The following POLDIP2 variants were observed in gnomAD, a reference collection of about 807,000 sequenced individuals.
POLDIP2 encodes DNA polymerase delta interacting protein 2.
Under a neutral mutation model 52.9 loss-of-function variants are expected in POLDIP2, and 32 were observed. The observed-to-expected ratio is 0.61, with a 90% confidence interval of 0.46 to 0.81. The LOEUF (loss-of-function observed/expected upper bound fraction) is 0.81. Ranked by LOEUF, POLDIP2 falls within the 40% of genes least tolerant of loss-of-function variation. The pLI, the probability that POLDIP2 is intolerant of heterozygous loss-of-function variation, is 0.00. For synonymous variants in POLDIP2, 183 were observed against 183.0 expected (o/e 1.00, Z 0.00); for missense variants, 371 against 477.3 (o/e 0.78, Z 2.07).
In POLDIP2 at chr17:28,348,070, T is replaced by C. The variant is rs1555579289; in HGVS notation, c.*47A>G. 1 of 1,070,258 alleles carries C rather than the reference T, an allele frequency of 9.3e-7. No homozygotes were observed. Among genetic ancestry groups the C allele is most frequent in the Admixed American group, 1.7e-5 (1 of 57,488 alleles). 66.3% of individuals were successfully genotyped at this position (1,070,258 alleles called of 1,614,324 possible). ...TTCTGCAGCAATTGTGGGATGAGAGTTGTTCTTCCCGGTGACCAAGCCTGG... is the reference window on the plus strand; with the variant it reads ...TTCTGCAGCAATTGTGGGATGAGAGCTGTTCTTCCCGGTGACCAAGCCTGG... On this transcript the variant is annotated 3_prime_UTR_variant, in exon 11 of 11. Coordinates refer to ENST00000540200, the MANE Select transcript of POLDIP2 (RefSeq NM_015584.5).
intron 4 of POLDIP2, 89 bp from the exon 5 acceptor site, chr17:28,353,405 C>G: frequency 1.4e-6 from 1 of 728,508 alleles, no homozygotes. Context: ...GCCTGTAATC[C>G]CAGCTACTCG....
chr17:28,351,476 C>T (rs2142395526), intron 7 of POLDIP2, among the ~76,000 whole-genome samples, 188 bp downstream of exon 7: 1 of 152,240 alleles, frequency 6.6e-6, no homozygotes, highest in East Asian at 1.9e-4. Flanking sequence ...TTTTCCTGCC[C>T]GCTCTAGGTC....
At position 28,351,816 on chromosome 17, in the gene POLDIP2, A is replaced by C; in HGVS notation, c.623-16T>G. The C allele has an allele frequency of 6.2e-7, 1 of 1,611,234 alleles. No individual in the cohort carries two copies. Among genetic ancestry groups the C allele is most frequent in the Non-Finnish European group, 8.5e-7 (1 of 1,177,662 alleles). ...AAAGGAGGTGCTGGGGCAAGATACA[A>C]TTGGTTAGTCCAATTGTGTGTTGTG... On this transcript the variant is annotated splice_polypyrimidine_tract_variant and intron_variant, in intron 6 of 10. Transcript: ENST00000540200.
In POLDIP2 at chr17:28,348,226, G is replaced by A. The variant is rs782042126; in HGVS notation, c.998C>T (p.Thr333Met). 1.9e-5 allele frequency: 31 copies of A among 1,610,250 alleles called. 1 individual carries two copies. The highest frequency in any genetic ancestry group is 1.5e-4 in the South Asian group (14 of 91,016). ...GCCATCAGGTCTTTCAAAGCGGAAC[G>A]TGCCCCTACAGTCAGAAAGAAGCTG... The part of the protein sequence containing the change: ...LQASSGHMWG[T>M]FRFERPDGSH... The change falls in exon 11 of 11, where the codon ACG becomes ATG. Residue 333 changes from threonine (T) to methionine (M), a missense_variant. Transcript: ENST00000540200.
chr17:28,352,533 G>A (rs1357912466), intron 6 of POLDIP2, among the ~76,000 whole-genome samples: 4 of 123,560 alleles, frequency 3.2e-5, no homozygotes, highest in Admixed American at 1.8e-4. Flanking sequence ...ACAAGCACCC[G>A]GGCCTTTTTT....
Position 28,357,293 on chromosome 17 carries a change from CGA to C in POLDIP2, c.154_155del (p.Ser52ValfsTer17). On this transcript the variant is annotated frameshift_variant, in exon 1 of 11. Coordinates refer to ENST00000540200, the MANE Select transcript of POLDIP2 (RefSeq NM_015584.5). LOFTEE classifies it high-confidence loss of function. Reference protein sequence around the residue: ...ASTTTTRRHLSSRNRPEGKVL... With the variant: ...ASTTTTRRHLXSRNRPEGKVL... ...CCCCTGGCTCCGTCCCTCACCGGGA[CGA>C]GAGGTGCCTCCGCGTCGTCGTGGTC... The C allele has an allele frequency of 3.2e-6, 5 of 1,575,572 alleles. No individual in the cohort carries two copies. The highest frequency in any genetic ancestry group is 4.3e-6 in the Non-Finnish European group (5 of 1,170,696).
intron 10 of POLDIP2, 105 bp downstream of exon 10, chr17:28,348,978 T>C (rs549477740): frequency 5.4e-5 from 38 of 703,376 alleles, no homozygotes; most frequent in Non-Finnish European, 8.5e-5. Flanking sequence ...TCTAAGAATG[T>C]AACTTGGCCC....
chr17:28,357,068 C>T (rs367626225), intron 1 of POLDIP2, among the ~76,000 whole-genome samples: 3 of 152,256 alleles, frequency 2.0e-5, no homozygotes, highest in Admixed American at 6.5e-5. Context: ...TGTTCCCCCC[C>T]AGGGCCAGCC....
chr17:28,347,849 G>C lies in POLDIP2; in HGVS notation c.*268C>G. 1 of 430,868 alleles carries C rather than the reference G, an allele frequency of 2.3e-6. No homozygotes were observed. 26.7% of individuals were successfully genotyped at this position (430,868 alleles called of 1,614,324 possible). On this transcript the variant is annotated 3_prime_UTR_variant, in exon 11 of 11. Coordinates refer to ENST00000540200, the MANE Select transcript of POLDIP2 (RefSeq NM_015584.5). ...CGTGACAGGCCAGGAAACTCCTCCA[G>C]GCCTGTGGCAGCTGAACACAGTTCC...
intron 10 of POLDIP2, 129 bp from the exon 11 acceptor site, chr17:28,348,360 C>T (rs781799094): frequency 6.4e-6 from 4 of 625,534 alleles, no homozygotes; most frequent in Non-Finnish European, 1.1e-5. Context: ...ATCTCTAGCT[C>T]ATGACAGGAT....
intron 4 of POLDIP2, among the ~76,000 whole-genome samples, 161 bp downstream of exon 4, chr17:28,353,534 A>AAAAAAAAAAAAAAAAAAAAAAAAC: frequency 6.8e-6 from 1 of 147,470 alleles, no homozygotes; most frequent in Non-Finnish European, 1.5e-5. Flanking sequence ...AAAAAAAAAA[A>AAAAAAAAAAAAAAAAAAAAAAAAC]AGACGTGAAT....
chr17:28,349,429 C>G (rs1207045475), intron 9 of POLDIP2, among the ~76,000 whole-genome samples: 1 of 144,846 alleles, frequency 6.9e-6, no homozygotes, highest in African/African-American at 2.6e-5. Flanking sequence ...TCCTCTGCAG[C>G]CCGGGGAACA....
chr17:28,346,982 AT>A lies in POLDIP2; in HGVS notation c.*1134del, dbSNP rs2142390561. On this transcript the variant is annotated 3_prime_UTR_variant, in exon 11 of 11. Transcript: ENST00000540200. ...GCATAAGTGATGGAAGCAAACACTAATTTCTAATAAAATTGTGTTAAACTCA... is the reference window on the plus strand; with the variant it reads ...GCATAAGTGATGGAAGCAAACACTAATTCTAATAAAATTGTGTTAAACTCA... 6.6e-6 allele frequency: 1 copy of A among 152,320 alleles called. No individual in the cohort carries two copies. The highest frequency in any genetic ancestry group is 1.5e-5 in the Non-Finnish European group (1 of 68,026). 9.4% of individuals were successfully genotyped at this position (152,320 alleles called of 1,614,324 possible). A position where few individuals can be genotyped will look rare whatever the true frequency, so the allele number is the denominator to read the frequency against.
At position 28,353,781 on chromosome 17, in the gene POLDIP2, G is replaced by A. The variant is rs139525737; in HGVS notation, c.352C>T (p.Pro118Ser). The A allele has an allele frequency of 6.2e-7, 1 of 1,611,474 alleles. No homozygotes were observed. The highest frequency in any genetic ancestry group is 1.1e-5 in the South Asian group (1 of 91,016). The change falls in exon 4 of 11, where the codon CCT becomes TCT. Residue 118 changes from proline (P) to serine (S), a missense_variant. Physicochemically the swap from Pro to Ser is moderately conservative, Grantham distance 74. Transcript: ENST00000540200. ...ACCTCCTTGGAGCCATGGCCAGCAG[G>A]GTTCTCTGCTCTATGGGGTGGGAGA... ...ASAAPEKAEN[P>S]AGHGSKEVKG...
chr17:28,351,398 A>C (rs528347994), intron 7 of POLDIP2, among the ~76,000 whole-genome samples: 2 of 152,314 alleles, frequency 1.3e-5, no homozygotes, highest in Admixed American at 1.3e-4. Context: ...TATATTCTTC[A>C]TAAACATGGC....
At chr17:28,353,866 TCCTC>T in intron 3 of POLDIP2, 75 bp from the exon 4 acceptor site, 1 of 940,370 alleles carries the variant, frequency 1.1e-6, no homozygotes, top group Non-Finnish European at 1.8e-6. Flanking sequence ...TCCCTACTCC[TCCTC>T]ACCTAAACAG....
Position 28,348,239 on chromosome 17 carries a change from CAGAA to C in POLDIP2, c.993-12_993-9del, listed in dbSNP as rs782595503. 16 of 1,600,650 alleles carry C rather than the reference CAGAA, an allele frequency of 1.0e-5. No homozygotes were observed. The highest frequency in any genetic ancestry group is 7.7e-6 in the Non-Finnish European group (9 of 1,167,998). ...TCAAAGCGGAACGTGCCCCTACAGT[CAGAA>C]AGAAGCTGGTTTAGAAGGAGCCAGG... is the stretch of plus-strand genomic sequence containing the variant. On this transcript the variant is annotated splice_polypyrimidine_tract_variant and intron_variant, in intron 10 of 10. Transcript: ENST00000540200.
chr17:28,355,787 A>G lies in POLDIP2; in HGVS notation c.243+8T>C, dbSNP rs781874860. The G allele has an allele frequency of 9.3e-6, 15 of 1,606,822 alleles. No homozygotes were observed. Among genetic ancestry groups the G allele is most frequent in the Middle Eastern group, 3.3e-4 (2 of 6,072 alleles). ...TGAAAATGAAAGATGACCCAGCCCA[A>G]TACTCACCTGCCCGGTCTCATATTT... is the stretch of plus-strand genomic sequence containing the variant. On this transcript the variant is annotated splice_region_variant and intron_variant, in intron 2 of 10. Transcript: ENST00000540200.
chr17:28,352,253 T>TTTTTTTTTTTC (rs1234903640), intron 6 of POLDIP2, among the ~76,000 whole-genome samples: 2 of 145,760 alleles, frequency 1.4e-5, no homozygotes, highest in Non-Finnish European at 3.0e-5. Flanking sequence ...TTTTTTTTTT[T>TTTTTTTTTTTC]TTGGAGACGG....
Sources: allele counts gnomAD v4.1 joint callset (sites outside exome capture counted in the v4.1 genomes callset), GRCh38; gene constraint gnomAD v4.1.1; transcripts MANE v1.5; gene names NCBI Gene and HGNC (gene_info 2026-07-23, HGNC 2026-07-21).